ACO1: variants seen among roughly 807,000 people sequenced by gnomAD.
The protein encoded by ACO1 is aconitase 1, also known as cytoplasmic aconitate hydratase.
A neutral mutation model predicts 105.1 loss-of-function variants in ACO1; 78 were observed. That is an observed-to-expected ratio of 0.74 (90% CI 0.62 to 0.90). The LOEUF (loss-of-function observed/expected upper bound fraction) is 0.90. Among genes scored for constraint, ACO1 ranks in the 40% least tolerant of loss-of-function variants. ACO1 has a pLI of 0.00. For synonymous variants in ACO1, 364 were observed against 397.4 expected (o/e 0.92, Z 1.00); for missense variants, 965 against 1,111.1 (o/e 0.87, Z 1.87).
intron 13 of ACO1, 53 bp downstream of exon 13, chr9:32,429,556 A>G: frequency 6.8e-7 from 1 of 1,474,394 alleles, no homozygotes; most frequent in Non-Finnish European, 9.4e-7. Flanking sequence ...TTTTCATGTA[A>G]TGTGACAAAA....
intron 4 of ACO1, among the ~76,000 whole-genome samples, chr9:32,409,642 G>A (rs992900445): frequency 2.6e-5 from 4 of 152,058 alleles, no homozygotes; most frequent in Admixed American, 1.3e-4. Flanking sequence ...CTTGAGCCCA[G>A]GAGTTTGATA....
chr9:32,402,612 T>G (rs1018480382), intron 1 of ACO1, among the ~76,000 whole-genome samples: 1 of 152,106 alleles, frequency 6.6e-6, no homozygotes, highest in Admixed American at 6.5e-5. Context: ...CCAGTGATAA[T>G]ACTCAAGGAT....
chr9:32,425,603 A>G (rs1822072300), intron 10 of ACO1, among the ~76,000 whole-genome samples: 1 of 152,232 alleles, frequency 6.6e-6, no homozygotes, highest in African/African-American at 2.4e-5. Flanking sequence ...CTCAGATATC[A>G]TGACTGCTTT....
At chr9:32,426,501 T>C (rs1358652124) in intron 11 of ACO1, among the ~76,000 whole-genome samples, 1 of 152,208 alleles carries the variant, frequency 6.6e-6, no homozygotes, top group Non-Finnish European at 1.5e-5. Context: ...AAGGTCTCTT[T>C]AGTTTCCAAG....
At chr9:32,398,716 C>CT (rs959156368) in intron 1 of ACO1, among the ~76,000 whole-genome samples, 1 of 152,098 alleles carries the variant, frequency 6.6e-6, no homozygotes, top group Non-Finnish European at 1.5e-5. Flanking sequence ...ACCTCAGCCT[C>CT]TCGAGTAGCT....
chr9:32,429,755 T>C (rs1020812249), intron 13 of ACO1, among the ~76,000 whole-genome samples: 2 of 152,248 alleles, frequency 1.3e-5, no homozygotes, highest in African/African-American at 4.8e-5. Context: ...AGAATTAAGA[T>C]GATGATAAAC....
rs1247228830 is a variant in ACO1 at position 32,439,324 on chromosome 9, T to C, written c.2248-1141T>C. Reference sequence around the variant, plus strand: ...AGTTTCTATATTTACGAGTTCTGTCTAGCTGAAGACATACAGAATCCTATC... The same window carrying C: ...AGTTTCTATATTTACGAGTTCTGTCCAGCTGAAGACATACAGAATCCTATC... On this transcript the variant is annotated intron_variant, in intron 18 of 20. Transcript: ENST00000309951. This position sits in a 1 kb window ranked among gnomAD's most constrained non-coding sequence, Gnocchi z 4.0. Among the ~76,000 whole-genome samples, 1 of 152,254 alleles carries C rather than the reference T, an allele frequency of 6.6e-6. No homozygotes were observed. Among genetic ancestry groups the C allele is most frequent in the African/African-American group, 2.4e-5 (1 of 41,454 alleles).
chr9:32,437,773 TAAC>T (rs917373284), intron 18 of ACO1, among the ~76,000 whole-genome samples: 4 of 152,020 alleles, frequency 2.6e-5, no homozygotes, highest in African/African-American at 7.2e-5. Flanking sequence ...TGCTATGAAA[TAAC>T]AATCAGAAGA....
intron 4 of ACO1, 152 bp downstream of exon 4, chr9:32,408,803 A>T (rs1821672118): frequency 1.1e-6 from 1 of 927,164 alleles, no homozygotes; most frequent in Non-Finnish European, 1.5e-6. Flanking sequence ...CGCAGTAAAG[A>T]TGTTTTAGGG....
At chr9:32,390,445 C>T (rs1821244488) in intron 1 of ACO1, among the ~76,000 whole-genome samples, 1 of 152,214 alleles carries the variant, frequency 6.6e-6, no homozygotes, top group African/African-American at 2.4e-5. Flanking sequence ...TCTTATAACC[C>T]TCATCCTATT....
chr9:32,418,260 G>T, intron 5 of ACO1, 63 bp downstream of exon 5: 2 of 1,612,234 alleles, frequency 1.2e-6, no homozygotes, highest in Non-Finnish European at 1.7e-6. Context: ...AGGGAGAGAT[G>T]CCAAGGAGAT....
rs1303499592 is a variant in ACO1, at chr9:32,452,662, C to T, written c.*2551C>T. ...CTTACCTCCAAGTACACCCTCTGTC[C>T]TTTTCGGTAAAAATATCTTCGCCAG... On this transcript the variant is annotated 3_prime_UTR_variant, in exon 21 of 21. Transcript: ENST00000309951. The T allele has an allele frequency of 1.3e-5, 2 of 152,076 alleles. No individual in the cohort carries two copies. Among genetic ancestry groups the T allele is most frequent in the Non-Finnish European group, 2.9e-5 (2 of 68,046 alleles). 9.4% of individuals were successfully genotyped at this position (152,076 alleles called of 1,614,324 possible).
At chr9:32,444,731 A>T (rs558843285) in intron 19 of ACO1, among the ~76,000 whole-genome samples, 4 of 152,298 alleles carry the variant, frequency 2.6e-5, no homozygotes, top group Admixed American at 6.5e-5. Flanking sequence ...TTGCCCATTC[A>T]GTATGATATT....
At position 32,418,433 on chromosome 9, in the gene ACO1, G is replaced by A; in HGVS notation, c.580G>A (p.Gly194Arg). 1 of 1,614,198 alleles carries A rather than the reference G, an allele frequency of 6.2e-7. No homozygotes were observed. Among genetic ancestry groups the A allele is most frequent in the East Asian group, 2.2e-5 (1 of 44,890 alleles). ...GGCAAGAGTGGTATTTGATCAGGAT[G>A]GATATTATTACCCAGACAGCCTCGT... ...YLARVVFDQD[G>R]YYYPDSLVGT... Residue 194 changes from glycine (G) to arginine (R), a missense_variant, in exon 6 of 21, where the codon GGA becomes AGA. Transcript: ENST00000309951.
At chr9:32,386,760 C>T (rs1327551704) in intron 1 of ACO1, among the ~76,000 whole-genome samples, 1 of 151,658 alleles carries the variant, frequency 6.6e-6, no homozygotes, top group Non-Finnish European at 1.5e-5. Flanking sequence ...AAAAATTCCA[C>T]TTTGATGGTG....
chr9:32,439,779 C>A lies in ACO1; in HGVS notation c.2248-686C>A, dbSNP rs935537739. ...TTGCTAATTTTACAACTGACATCAC[C>A]GAGTTTCTGATATTGAGCCAAAATG... On this transcript the variant is annotated intron_variant, in intron 18 of 20. Coordinates refer to ENST00000309951, the MANE Select transcript of ACO1 (RefSeq NM_002197.3). This position sits in a 1 kb window ranked among gnomAD's most constrained non-coding sequence, Gnocchi z 4.0. Among the ~76,000 whole-genome samples the A allele has an allele frequency of 3.3e-5, 5 of 152,250 alleles. No individual in the cohort carries two copies. In the East Asian group the frequency reaches 7.7e-4, roughly 23 times the overall value.
chr9:32,446,777 C>A (rs1400877258), intron 19 of ACO1, among the ~76,000 whole-genome samples: 1 of 152,128 alleles, frequency 6.6e-6, no homozygotes, highest in Non-Finnish European at 1.5e-5. Flanking sequence ...TAAGGCAGAC[C>A]TGGTGGTGAC....
intron 19 of ACO1, among the ~76,000 whole-genome samples, chr9:32,448,029 C>A (rs78758299): frequency 6.6e-6 from 1 of 152,012 alleles, no homozygotes; most frequent in Non-Finnish European, 1.5e-5. Context: ...GGTCGGGGAC[C>A]CACTTGAGGA....
At position 32,423,397 on chromosome 9, in the gene ACO1, C is replaced by G. The variant is rs762739076; in HGVS notation, c.1049C>G (p.Ser350Cys). The G allele has an allele frequency of 6.2e-7, 1 of 1,601,450 alleles. No individual in the cohort carries two copies. The highest frequency in any genetic ancestry group is 8.5e-7 in the Non-Finnish European group (1 of 1,174,776). Residue 350 changes from serine to cysteine, a missense_variant, in exon 9 of 21, where the codon TCT becomes TGT. Coordinates refer to ENST00000309951, the MANE Select transcript of ACO1 (RefSeq NM_002197.3). The part of the protein sequence containing the change: ...VGMFRDFNDP[S>C]QDPDFTQVVE... Reference sequence around the variant, plus strand: ...ATGTTTCGAGATTTCAATGACCCTTCTCAAGACCCAGACTTCACCCAGGTA... The same window carrying G: ...ATGTTTCGAGATTTCAATGACCCTTGTCAAGACCCAGACTTCACCCAGGTA...
Sources: allele counts gnomAD v4.1 joint callset (sites outside exome capture counted in the v4.1 genomes callset), GRCh38; gene constraint gnomAD v4.1.1; non-coding constraint Gnocchi (gnomAD v3.1); transcripts MANE v1.5; gene names NCBI Gene and HGNC (gene_info 2026-07-23, HGNC 2026-07-21).